The following NRCAM variants were observed in gnomAD, a reference collection of about 807,000 sequenced individuals.
The protein encoded by NRCAM is NgCAM-related cell adhesion molecule.
Under a neutral mutation model 156.5 loss-of-function variants are expected in NRCAM, and 83 were observed. That is an observed-to-expected ratio of 0.53 (90% confidence interval 0.44 to 0.64). NRCAM has a LOEUF of 0.64. NRCAM is among the 30% of genes least tolerant of loss of function. The pLI, the probability that NRCAM is intolerant of heterozygous loss-of-function variation, is 0.00. For synonymous variants in NRCAM, 538 were observed against 563.9 expected (o/e 0.95, Z 0.65); for missense variants, 1,417 against 1,597.3 (o/e 0.89, Z 1.92).
At chr7:108,185,890 CAAAT>C (rs2066465565) in intron 20 of NRCAM, among the ~76,000 whole-genome samples, 1 of 152,094 alleles carries the variant, frequency 6.6e-6, no homozygotes, top group Non-Finnish European at 1.5e-5. Context: ...ATTACTACAA[CAAAT>C]AAACAGACAT....
At chr7:108,201,903 T>G (rs1477308714) in intron 13 of NRCAM, among the ~76,000 whole-genome samples, 1 of 152,202 alleles carries the variant, frequency 6.6e-6, no homozygotes, top group African/African-American at 2.4e-5. Context: ...CCATGGGAGT[T>G]TTCCTTAAGT....
intron 3 of NRCAM, among the ~76,000 whole-genome samples, chr7:108,306,883 C>T (rs1020258161): frequency 6.6e-6 from 1 of 152,182 alleles, no homozygotes; most frequent in African/African-American, 2.4e-5. Flanking sequence ...CAAGTGCAAA[C>T]TGTACTCCAT....
intron 1 of NRCAM, among the ~76,000 whole-genome samples, chr7:108,402,980 C>G (rs573495492): frequency 4.7e-4 from 71 of 152,284 alleles, no homozygotes; most frequent in African/African-American, 1.7e-3. Flanking sequence ...GTGTCAGTCC[C>G]TTGAGTCATC....
chr7:108,232,815 G>T (rs886747560), intron 6 of NRCAM, among the ~76,000 whole-genome samples: 1 of 152,088 alleles, frequency 6.6e-6, no homozygotes, highest in Admixed American at 6.6e-5. Context: ...AGAGGGAGCA[G>T]GTCTCCCAGG....
At position 108,310,664 on chromosome 7, in the gene NRCAM, T is replaced by A. The variant is rs189815734; in HGVS notation, c.-107+2001A>T. ...CAAATACTTGAATAGCCTAGGGACATTCTGAGTATAAGTGTGCTTTAGAAT... is the reference window on the plus strand; with the variant it reads ...CAAATACTTGAATAGCCTAGGGACAATCTGAGTATAAGTGTGCTTTAGAAT... On this transcript the variant is annotated intron_variant, in intron 3 of 32. Transcript: ENST00000379028. Among the ~76,000 whole-genome samples, 227 of 152,346 alleles carry A rather than the reference T, an allele frequency of 1.5e-3. 1 individual carries two copies. The highest frequency in any genetic ancestry group is 5.2e-3 in the African/African-American group (218 of 41,570).
chr7:108,341,657 G>A (rs1355795326), intron 2 of NRCAM, among the ~76,000 whole-genome samples: 1 of 152,112 alleles, frequency 6.6e-6, no homozygotes, highest in African/African-American at 2.4e-5. Flanking sequence ...AGCAAAAAAT[G>A]CCCATCCTGT....
chr7:108,299,354 A>C (rs532869298), intron 3 of NRCAM, among the ~76,000 whole-genome samples: 1 of 152,050 alleles, frequency 6.6e-6, no homozygotes, highest in South Asian at 2.1e-4. Context: ...GGTTGAGGAA[A>C]AGGTATAAAA....
chr7:108,222,302 A>G (rs1355636468), intron 11 of NRCAM, among the ~76,000 whole-genome samples: 1 of 152,222 alleles, frequency 6.6e-6, no homozygotes, highest in Non-Finnish European at 1.5e-5. Flanking sequence ...TGATTCTATA[A>G]GTCTGATGGC....
At chr7:108,340,824 C>T (rs2099268021) in intron 2 of NRCAM, among the ~76,000 whole-genome samples, 1 of 152,164 alleles carries the variant, frequency 6.6e-6, no homozygotes, top group South Asian at 2.1e-4. Flanking sequence ...GCCAACTAAT[C>T]TTAAAGGATA....
At chr7:108,455,719 G>C (rs2154512219) in intron 1 of NRCAM, among the ~76,000 whole-genome samples, 1 of 152,338 alleles carries the variant, frequency 6.6e-6, no homozygotes, top group South Asian at 2.1e-4. Context: ...ACGCCCAGAC[G>C]TGTCCGCAGG....
intron 1 of NRCAM, among the ~76,000 whole-genome samples, chr7:108,405,970 T>TTTTA (rs111321967): frequency 1.3e-5 from 2 of 149,568 alleles, no homozygotes; most frequent in Non-Finnish European, 1.5e-5. Flanking sequence ...TTTTTTTTTT[T>TTTTA]AATTTAAAAA....
At chr7:108,227,673 C>T (rs2093696353) in intron 8 of NRCAM, among the ~76,000 whole-genome samples, 1 of 152,144 alleles carries the variant, frequency 6.6e-6, no homozygotes, top group African/African-American at 2.4e-5. Context: ...ACTTAGTCCA[C>T]AGAGCCTTAA....
chr7:108,352,588 T>TA (rs1376192201), intron 2 of NRCAM, among the ~76,000 whole-genome samples: 4 of 152,344 alleles, frequency 2.6e-5, no homozygotes, highest in East Asian at 3.8e-4. Context: ...GGAATTGCTA[T>TA]AAAAAATAAC....
chr7:108,278,647 C>T (rs2097739624), intron 3 of NRCAM, among the ~76,000 whole-genome samples: 2 of 152,186 alleles, frequency 1.3e-5, no homozygotes, highest in South Asian at 4.1e-4. Context: ...ACCGTTCCTC[C>T]AGATACAGTC....
At chr7:108,259,532 A>T (rs1452718344) in intron 3 of NRCAM, among the ~76,000 whole-genome samples, 4 of 152,234 alleles carry the variant, frequency 2.6e-5, no homozygotes, top group Non-Finnish European at 5.9e-5. Context: ...TATTATAAAG[A>T]TACATGCATG....
At chr7:108,176,702 CT>C in intron 26 of NRCAM, 96 bp from the exon 27 acceptor site, 1 of 910,510 alleles carries the variant, frequency 1.1e-6, no homozygotes, top group Non-Finnish European at 1.6e-6. Flanking sequence ...TTCAACCTGG[CT>C]TACATTGACT....
At chr7:108,330,701 A>G (rs2099117924) in intron 2 of NRCAM, among the ~76,000 whole-genome samples, 1 of 152,158 alleles carries the variant, frequency 6.6e-6, no homozygotes, top group Non-Finnish European at 1.5e-5. Flanking sequence ...CTTTGAACTA[A>G]TTCTTTGTCT....
At chr7:108,374,986 T>C (rs1010780402) in intron 2 of NRCAM, among the ~76,000 whole-genome samples, 1 of 152,148 alleles carries the variant, frequency 6.6e-6, no homozygotes, top group East Asian at 1.9e-4. Flanking sequence ...AGTCAGTACA[T>C]GGAATAGCAC....
chr7:108,451,511 A>G (rs6976649), intron 1 of NRCAM, among the ~76,000 whole-genome samples: 37,365 of 152,000 alleles, frequency 0.25, 4,909 homozygotes, highest in Non-Finnish European at 0.29. Flanking sequence ...ATCCATGTTC[A>G]TGGCAGCATC....
Sources: gnomAD v4.1 joint callset for allele counts (sites outside exome capture counted in the v4.1 genomes callset) on GRCh38, gnomAD v4.1.1 for gene constraint, MANE v1.5 for transcripts, NCBI Gene and HGNC (gene_info 2026-07-23, HGNC 2026-07-21) for gene names.